The following DTD1 variants were observed in gnomAD, a reference collection of about 807,000 sequenced individuals.
DTD1 encodes D-aminoacyl-tRNA deacylase 1.
Under a neutral mutation model 25.6 loss-of-function variants are expected in DTD1, and 13 were observed. The observed-to-expected ratio is 0.51, with a 90% CI of 0.33 to 0.81. DTD1 has a LOEUF of 0.81. Ranked by LOEUF, DTD1 falls within the 30% of genes least tolerant of loss-of-function variation. The probability of loss-of-function intolerance (pLI) is 0.02; values close to 1 mark genes in which losing one functional copy is unlikely to be tolerated. For synonymous variants in DTD1, 110 were observed against 103.6 expected, an observed-to-expected ratio of 1.06 and a Z score of -0.37; for missense variants, 193 against 266.4, an observed-to-expected ratio of 0.72 and a Z score of 1.92.
At chr20:18,664,497 G>T (rs6075389) in intron 4 of DTD1, among the ~76,000 whole-genome samples, 1 of 151,884 alleles carries the variant, frequency 6.6e-6, no homozygotes, top group African/African-American at 2.4e-5. Context: ...TAATGTCCTC[G>T]GTGATGGGAA....
intron 4 of DTD1, chr20:18,631,744 C>T: frequency 2.0e-6 from 2 of 985,404 alleles, no homozygotes; most frequent in Non-Finnish European, 2.4e-6. Context: ...GCTACTCCCT[C>T]TGGTTTTATT....
intron 3 of DTD1, among the ~76,000 whole-genome samples, chr20:18,622,431 A>G (rs900897479): frequency 3.3e-5 from 5 of 152,234 alleles, no homozygotes. Flanking sequence ...TTAAAGAAGC[A>G]GGTTTCTAGC....
chr20:18,635,725 T>C (rs1189106489), intron 4 of DTD1, among the ~76,000 whole-genome samples: 1 of 152,196 alleles, frequency 6.6e-6, no homozygotes, highest in Non-Finnish European at 1.5e-5. Flanking sequence ...TTAATTTGTT[T>C]CCAAATAGAT....
intron 4 of DTD1, among the ~76,000 whole-genome samples, chr20:18,679,354 T>C (rs914729994): frequency 4.6e-5 from 7 of 152,206 alleles, no homozygotes; most frequent in African/African-American, 1.7e-4. Flanking sequence ...TCTCCCACCT[T>C]ATTATAGTCT....
chr20:18,668,539 C>G (rs991274266), intron 4 of DTD1, among the ~76,000 whole-genome samples: 3 of 152,130 alleles, frequency 2.0e-5, no homozygotes, highest in African/African-American at 7.2e-5. Context: ...CCTCTGTTGT[C>G]GGTGAAGTTA....
intron 4 of DTD1, among the ~76,000 whole-genome samples, chr20:18,692,710 A>G (rs2061052201): frequency 6.6e-6 from 1 of 152,192 alleles, no homozygotes; most frequent in Non-Finnish European, 1.5e-5. Flanking sequence ...AGCACTTGGC[A>G]CCATACGCCT....
At chr20:18,741,734 A>T (rs192730356) in intron 4 of DTD1, among the ~76,000 whole-genome samples, 199 of 150,926 alleles carry the variant, frequency 1.3e-3, no homozygotes, top group Non-Finnish European at 2.5e-3. Flanking sequence ...ATTAAAAAAA[A>T]TTTTTTTTGA....
intron 4 of DTD1, among the ~76,000 whole-genome samples, chr20:18,678,113 C>G (rs549174461): frequency 1.3e-5 from 2 of 152,346 alleles, no homozygotes; most frequent in African/African-American, 4.8e-5. Flanking sequence ...CCAAGAGGTT[C>G]ACTAAATGCC....
intron 5 of DTD1, among the ~76,000 whole-genome samples, chr20:18,757,205 T>A (rs1209345883): frequency 6.6e-6 from 1 of 152,374 alleles, no homozygotes; most frequent in East Asian, 1.9e-4. Flanking sequence ...ATACAATTCA[T>A]GTCATCTGCA....
chr20:18,684,281 C>G (rs1485133610), intron 4 of DTD1, among the ~76,000 whole-genome samples: 1 of 152,014 alleles, frequency 6.6e-6, no homozygotes, highest in Admixed American at 6.6e-5. Context: ...TCCAGCAGTT[C>G]ACCAAATGAC....
At chr20:18,606,119 A>G (rs1225033590) in intron 3 of DTD1, among the ~76,000 whole-genome samples, 2 of 150,302 alleles carry the variant, frequency 1.3e-5, no homozygotes, top group African/African-American at 2.5e-5. Context: ...TGGGCGAAGG[A>G]CATGAACAGA....
intron 3 of DTD1, among the ~76,000 whole-genome samples, chr20:18,619,105 A>G (rs941376216): frequency 3.3e-5 from 5 of 151,990 alleles, no homozygotes; most frequent in Non-Finnish European, 5.9e-5. Context: ...TTAGCCTCCC[A>G]AAGTGCTGGG....
chr20:18,700,253 C>T (rs2061098495), intron 4 of DTD1, among the ~76,000 whole-genome samples: 1 of 152,224 alleles, frequency 6.6e-6, no homozygotes, highest in Non-Finnish European at 1.5e-5. Flanking sequence ...TCAGGTTTCT[C>T]TGCTGGAAAG....
intron 5 of DTD1, among the ~76,000 whole-genome samples, chr20:18,760,612 G>C (rs2061357603): frequency 6.6e-6 from 1 of 152,176 alleles, no homozygotes; most frequent in Admixed American, 6.5e-5. Context: ...TCTCAGAGGA[G>C]TACCCGGCCG....
chr20:18,684,594 AC>A (rs1161854423), intron 4 of DTD1, among the ~76,000 whole-genome samples: 2 of 151,940 alleles, frequency 1.3e-5, no homozygotes, highest in African/African-American at 4.8e-5. Flanking sequence ...GCCCCAAATT[AC>A]CATTTAGATG....
intron 5 of DTD1, among the ~76,000 whole-genome samples, chr20:18,744,848 G>A (rs1314279313): frequency 6.6e-6 from 1 of 152,058 alleles, no homozygotes; most frequent in African/African-American, 2.4e-5. Flanking sequence ...AATTCAAGAT[G>A]AGATTTGGGT....
At chr20:18,617,815 T>G (rs2122290482) in intron 3 of DTD1, among the ~76,000 whole-genome samples, 1 of 152,294 alleles carries the variant, frequency 6.6e-6, no homozygotes, top group Non-Finnish European at 1.5e-5. Context: ...ATATCTTGGC[T>G]TTAAAAAAAA....
chr20:18,693,559 A>G (rs2061057182), intron 4 of DTD1, among the ~76,000 whole-genome samples: 1 of 151,806 alleles, frequency 6.6e-6, no homozygotes, highest in African/African-American at 2.4e-5. Flanking sequence ...CGGGAGGTTG[A>G]GACATGAGAA....
intron 4 of DTD1, among the ~76,000 whole-genome samples, chr20:18,706,660 G>A (rs1457756944): frequency 2.6e-5 from 4 of 152,102 alleles, no homozygotes; most frequent in Non-Finnish European, 5.9e-5. Context: ...TGGATTAATA[G>A]GTAATCTCTT....
Sources: gnomAD v4.1 joint callset for allele counts (sites outside exome capture counted in the v4.1 genomes callset) on GRCh38, gnomAD v4.1.1 for gene constraint, MANE v1.5 for transcripts, NCBI Gene and HGNC (gene_info 2026-07-23, HGNC 2026-07-21) for gene names.